FSTL5: variants seen among roughly 807,000 people sequenced by gnomAD.
FSTL5 encodes follistatin like 5.
A neutral mutation model predicts 89.1 loss-of-function variants in FSTL5; 62 were observed. That is an observed-to-expected ratio of 0.70 (90% CI 0.57 to 0.86). FSTL5 has a LOEUF of 0.86. Among genes scored for constraint, FSTL5 ranks in the 40% least tolerant of loss-of-function variants. The probability of loss-of-function intolerance (pLI) is 0.00; values close to 1 mark genes in which losing one functional copy is unlikely to be tolerated. For missense variants in FSTL5, 1,057 were observed against 1,001.6 expected, an observed-to-expected ratio of 1.06 and a Z score of -0.75; for synonymous variants, 383 against 346.2, an observed-to-expected ratio of 1.11 and a Z score of -1.18.
In FSTL5 at chr4:161,946,389, T is replaced by C. The variant is rs540911475; in HGVS notation, c.161-25737A>G. ...GCAGTGAGCAAATCCACATCATCTA[T>C]AATGTATAATTATGTTTGCCATTAT... On this transcript the variant is annotated intron_variant, in intron 3 of 15. Transcript: ENST00000306100. Among the ~76,000 whole-genome samples the C allele has an allele frequency of 8.5e-4, 130 of 152,346 alleles. 4 individuals carry two copies. In the South Asian group the frequency reaches 0.026, roughly 31 times the overall value.
rs190936786 is a variant in FSTL5 at position 161,596,046 on chromosome 4, C to A, written c.895-8471G>T. ...CTATTTTCCTAGCTTTTTATGTATACAAAATATATTTTCATAAAATAACAA... is the reference window on the plus strand; with the variant it reads ...CTATTTTCCTAGCTTTTTATGTATAAAAAATATATTTTCATAAAATAACAA... On this transcript the variant is annotated intron_variant, in intron 7 of 15. Coordinates refer to ENST00000306100, the MANE Select transcript of FSTL5 (RefSeq NM_020116.5). Among the ~76,000 whole-genome samples the A allele has an allele frequency of 8.2e-4, 125 of 151,782 alleles. No homozygotes were observed. The East Asian group carries it at 0.019, about 23-fold the overall frequency.
chr4:162,115,831 G>T (rs1485175529), intron 1 of FSTL5, among the ~76,000 whole-genome samples: 1 of 152,068 alleles, frequency 6.6e-6, no homozygotes, highest in Non-Finnish European at 1.5e-5. Context: ...CTTGCTGGGG[G>T]TAGGATTTAG....
intron 7 of FSTL5, among the ~76,000 whole-genome samples, chr4:161,639,619 T>C (rs1268069058): frequency 2.6e-5 from 4 of 152,206 alleles, no homozygotes; most frequent in Non-Finnish European, 5.9e-5. Context: ...CTGATGGAAC[T>C]GTTTTTAAAT....
intron 6 of FSTL5, among the ~76,000 whole-genome samples, chr4:161,725,404 G>C (rs901001623): frequency 4.6e-5 from 7 of 151,804 alleles, no homozygotes; most frequent in African/African-American, 1.7e-4. Context: ...TAATTTGACT[G>C]TCTTTAAATA....
intron 3 of FSTL5, among the ~76,000 whole-genome samples, chr4:162,005,059 ATAATG>A (rs1736578300): frequency 6.6e-6 from 1 of 152,152 alleles, no homozygotes; most frequent in Non-Finnish European, 1.5e-5. Context: ...TCTCTCTAAA[ATAATG>A]TAATGTATCC....
chr4:161,917,302 A>C (rs181625966), intron 4 of FSTL5, among the ~76,000 whole-genome samples: 1 of 152,322 alleles, frequency 6.6e-6, no homozygotes, highest in Non-Finnish European at 1.5e-5. Context: ...TGATATAAAC[A>C]AACAGGACTT....
intron 7 of FSTL5, among the ~76,000 whole-genome samples, chr4:161,608,960 A>C (rs1438583601): frequency 6.6e-6 from 1 of 151,984 alleles, no homozygotes; most frequent in Non-Finnish European, 1.5e-5. Flanking sequence ...TATTACATTA[A>C]ATCTCCTGTT....
intron 15 of FSTL5, among the ~76,000 whole-genome samples, chr4:161,436,403 T>G (rs1732562864): frequency 6.6e-6 from 1 of 152,216 alleles, no homozygotes; most frequent in South Asian, 2.1e-4. Context: ...TCCTGAGTAT[T>G]TATTGGTGAA....
intron 6 of FSTL5, among the ~76,000 whole-genome samples, chr4:161,757,969 C>G (rs1157371925): frequency 6.6e-6 from 1 of 152,058 alleles, no homozygotes; most frequent in African/African-American, 2.4e-5. Flanking sequence ...CTAACAACAC[C>G]CTTCTAAAGA....
At chr4:161,512,153 T>C (rs1417679075) in intron 10 of FSTL5, among the ~76,000 whole-genome samples, 2 of 152,080 alleles carry the variant, frequency 1.3e-5, no homozygotes, top group African/African-American at 4.8e-5. Context: ...TTTGTAGTTT[T>C]AGGAATGGTT....
intron 12 of FSTL5, among the ~76,000 whole-genome samples, chr4:161,493,442 A>G (rs1729953443): frequency 6.6e-6 from 1 of 151,818 alleles, no homozygotes; most frequent in East Asian, 1.9e-4. Flanking sequence ...ATTTTATAAT[A>G]AAATCTTTTA....
In FSTL5 at chr4:161,435,266, G is replaced by A. The variant is rs182665464; in HGVS notation, c.1841+19738C>T. Among the ~76,000 whole-genome samples the A allele has an allele frequency of 9.9e-5, 15 of 152,264 alleles. No homozygotes were observed. In the East Asian group the frequency reaches 2.9e-3, roughly 29 times the overall value. On this transcript the variant is annotated intron_variant, in intron 15 of 15. Coordinates refer to ENST00000306100, the MANE Select transcript of FSTL5 (RefSeq NM_020116.5). ...TAAAAAAAATGAGATATTGTTATTT[G>A]CAATAACATGGATGTAACTGGAGGT...
intron 10 of FSTL5, among the ~76,000 whole-genome samples, chr4:161,513,722 C>G (rs1372004149): frequency 6.6e-6 from 1 of 152,080 alleles, no homozygotes; most frequent in Non-Finnish European, 1.5e-5. Flanking sequence ...TTATCCTTAG[C>G]AAACTAATGC....
chr4:161,740,539 A>C (rs1739984611), intron 6 of FSTL5, among the ~76,000 whole-genome samples: 1 of 152,214 alleles, frequency 6.6e-6, no homozygotes, highest in Non-Finnish European at 1.5e-5. Context: ...AAGAAAGAAT[A>C]GTGAGAAGCA....
At chr4:161,822,045 C>G (rs1730510616) in intron 4 of FSTL5, among the ~76,000 whole-genome samples, 1 of 152,106 alleles carries the variant, frequency 6.6e-6, no homozygotes, top group African/African-American at 2.4e-5. Flanking sequence ...GTTTACATTC[C>G]CACCAGCAAT....
intron 1 of FSTL5, among the ~76,000 whole-genome samples, chr4:162,114,307 G>C (rs1731552347): frequency 6.6e-6 from 1 of 152,076 alleles, no homozygotes; most frequent in Non-Finnish European, 1.5e-5. Flanking sequence ...AAAAGGACCA[G>C]CTCAAGTTAA....
At chr4:161,859,281 A>T (rs1731825055) in intron 4 of FSTL5, among the ~76,000 whole-genome samples, 1 of 152,176 alleles carries the variant, frequency 6.6e-6, no homozygotes, top group East Asian at 1.9e-4. Context: ...GTTTAAACCA[A>T]TGCTAATTTA....
At chr4:161,409,763 C>T (rs1452534042) in intron 15 of FSTL5, among the ~76,000 whole-genome samples, 1 of 152,124 alleles carries the variant, frequency 6.6e-6, no homozygotes, top group Non-Finnish European at 1.5e-5. Context: ...AACCTGCTAC[C>T]ACAAAAGCAC....
At chr4:161,761,274 C>T (rs113857891) in intron 5 of FSTL5, among the ~76,000 whole-genome samples, 3 of 152,248 alleles carry the variant, frequency 2.0e-5, no homozygotes, top group African/African-American at 7.2e-5. Context: ...ACATATATTA[C>T]AATTTTTCTA....
Sources: gnomAD v4.1 joint callset for allele counts (sites outside exome capture counted in the v4.1 genomes callset) on GRCh38, gnomAD v4.1.1 for gene constraint, MANE v1.5 for transcripts, NCBI Gene and HGNC (gene_info 2026-07-23, HGNC 2026-07-21) for gene names.